Variants in MCPH1 observed in about 807,000 individuals in gnomAD.
MCPH1 encodes the protein microcephalin 1, also known as microcephalin.
In MCPH1, 104 loss-of-function variants were observed where a neutral mutation model predicts 84.5. The observed-to-expected ratio is 1.23, with a 90% CI of 1.05 to 1.45. MCPH1 has a LOEUF of 1.45. Among genes scored for constraint, MCPH1 ranks in the 40% most tolerant of loss-of-function variants. MCPH1 has a pLI of 0.00. For missense variants in MCPH1, 1,498 were observed against 1,005.7 expected (o/e 1.49, Z -6.62); for synonymous variants, 514 against 366.8 (o/e 1.40, Z -4.58).
intron 9 of MCPH1, chr8:6,477,289 G>A (rs1808597379): frequency 2.8e-6 from 1 of 350,930 alleles, no homozygotes; most frequent in Non-Finnish European, 5.2e-6. Context: ...AGTGCATGAA[G>A]ACGTTGACAC....
At chr8:6,483,804 G>A (rs1203721543) in intron 11 of MCPH1, among the ~76,000 whole-genome samples, 1 of 152,106 alleles carries the variant, frequency 6.6e-6, no homozygotes. Flanking sequence ...AGGTTGCAAA[G>A]AGCCAATACC....
chr8:6,575,641 G>T (rs1473289869), intron 12 of MCPH1, among the ~76,000 whole-genome samples: 1 of 152,182 alleles, frequency 6.6e-6, no homozygotes, highest in East Asian at 1.9e-4. Context: ...AGTCCTAAAT[G>T]CCCTCAGCAC....
At chr8:6,517,053 A>G (rs1320468654) in intron 12 of MCPH1, among the ~76,000 whole-genome samples, 1 of 152,226 alleles carries the variant, frequency 6.6e-6, no homozygotes, top group Non-Finnish European at 1.5e-5. Flanking sequence ...ATTATGGTTA[A>G]TTGGACTATA....
At chr8:6,632,604 T>C (rs1390271336) in intron 13 of MCPH1, among the ~76,000 whole-genome samples, 4 of 152,110 alleles carry the variant, frequency 2.6e-5, no homozygotes, top group Non-Finnish European at 5.9e-5. Flanking sequence ...GGTCAGGAGA[T>C]CGAGACCATC....
At chr8:6,486,613 A>G (rs999442503) in intron 11 of MCPH1, among the ~76,000 whole-genome samples, 5 of 152,156 alleles carry the variant, frequency 3.3e-5, no homozygotes, top group Non-Finnish European at 2.9e-5. Flanking sequence ...CAATTTTTCC[A>G]TGTTTACAGC....
At chr8:6,448,596 C>G (rs1563226228) in intron 8 of MCPH1, among the ~76,000 whole-genome samples, 1 of 152,172 alleles carries the variant, frequency 6.6e-6, no homozygotes, top group Non-Finnish European at 1.5e-5. Context: ...CAGCCACTGT[C>G]CACAGTTTAA....
At chr8:6,516,189 C>G (rs531895987) in intron 12 of MCPH1, among the ~76,000 whole-genome samples, 28 of 152,300 alleles carry the variant, frequency 1.8e-4, no homozygotes, top group African/African-American at 6.5e-4. Context: ...GAAAATCAGT[C>G]TGCACAAGCT....
In MCPH1 at chr8:6,647,958, A is replaced by G. The variant is rs754694096; in HGVS notation, c.*4909A>G. 3 of 152,236 alleles carry G rather than the reference A, an allele frequency of 2.0e-5. No homozygotes were observed. Among genetic ancestry groups the G allele is most frequent in the Non-Finnish European group, 4.4e-5 (3 of 68,050 alleles). The allele number at this position is 152,236 out of a possible 1,614,324, so 9.4% of individuals were successfully genotyped here. ...AAGAGAGAGAGAGAACGAGAGCTAC[A>G]TGGCAGCCCCAGGGCAATAGCTCTC... is the stretch of plus-strand genomic sequence containing the variant. On this transcript the variant is annotated 3_prime_UTR_variant, in exon 14 of 14. Transcript: ENST00000344683.
At chr8:6,624,871 A>G in intron 13 of MCPH1, 1 of 981,666 alleles carries the variant, frequency 1.0e-6, no homozygotes, top group Non-Finnish European at 1.2e-6. Flanking sequence ...AACAAATCAT[A>G]TACTTTTTTT....
chr8:6,545,132 G>A (rs533160495), intron 12 of MCPH1, among the ~76,000 whole-genome samples: 25 of 152,076 alleles, frequency 1.6e-4, no homozygotes, highest in Non-Finnish European at 2.1e-4. Flanking sequence ...AGAATGGACC[G>A]AACTTACTAA....
chr8:6,500,102 T>A, intron 12 of MCPH1, 173 bp downstream of exon 12: 1 of 632,502 alleles, frequency 1.6e-6, no homozygotes, highest in Non-Finnish European at 2.8e-6. Flanking sequence ...AGAACAAATG[T>A]GAGAACGTGA....
At chr8:6,489,723 C>A (rs1810354636) in intron 11 of MCPH1, among the ~76,000 whole-genome samples, 1 of 152,162 alleles carries the variant, frequency 6.6e-6, no homozygotes, top group Non-Finnish European at 1.5e-5. Context: ...TGACTCGAGC[C>A]TTCTCGTGTT....
chr8:6,640,501 G>A (rs1261965432), intron 13 of MCPH1, among the ~76,000 whole-genome samples: 1 of 152,082 alleles, frequency 6.6e-6, no homozygotes, highest in Non-Finnish European at 1.5e-5. Flanking sequence ...TATCATTCGT[G>A]AATTACCTGT....
intron 9 of MCPH1, among the ~76,000 whole-genome samples, chr8:6,458,248 A>G (rs558178465): frequency 9.9e-5 from 15 of 152,222 alleles, no homozygotes; most frequent in Admixed American, 9.8e-4. Context: ...TGAGGTGGGC[A>G]GATCATGAGG....
chr8:6,414,844 A>C lies in MCPH1; in HGVS notation c.194A>C (p.Lys65Thr). The C allele has an allele frequency of 6.2e-6, 10 of 1,613,886 alleles. No individual in the cohort carries two copies. The highest frequency in any genetic ancestry group is 8.5e-6 in the Non-Finnish European group (10 of 1,179,858). ...GYQSTWDKAQ[K>T]RGVKLVSVLW... Reference sequence around the variant, plus strand: ...CAGAGCACTTGGGACAAAGCTCAGAAGAGAGGCGTAAAGCTCGTTTCGGTG... The same window carrying C: ...CAGAGCACTTGGGACAAAGCTCAGACGAGAGGCGTAAAGCTCGTTTCGGTG... The change falls in exon 3 of 14, where the codon AAG becomes ACG. Residue 65 changes from lysine (K) to threonine (T), a missense_variant. By Grantham distance (78) the Lys-to-Thr change is moderately conservative (BLOSUM62 -1). Coordinates refer to ENST00000344683, the MANE Select transcript of MCPH1 (RefSeq NM_024596.5).
intron 3 of MCPH1, among the ~76,000 whole-genome samples, chr8:6,424,219 G>A (rs1238414417): frequency 1.3e-5 from 2 of 152,144 alleles, no homozygotes; most frequent in South Asian, 2.1e-4. Context: ...ACATAAAGTT[G>A]AAATAAAGGT....
chr8:6,449,615 G>A lies in MCPH1; in HGVS notation c.1825+4068G>A, dbSNP rs189146759. Among the ~76,000 whole-genome samples, 158 of 151,468 alleles carry A rather than the reference G, an allele frequency of 1.0e-3. 3 individuals are homozygous for A. Among genetic ancestry groups the A allele is most frequent in the African/African-American group, 3.7e-3 (154 of 41,240 alleles). On this transcript the variant is annotated intron_variant, in intron 8 of 13. Transcript: ENST00000344683. ...GCCACTGCACTCCATCCTGGACAAC[G>A]AGAGTGAAACTCCGTCTCAAAAAGA...
intron 3 of MCPH1, among the ~76,000 whole-genome samples, chr8:6,426,537 C>G (rs1017971777): frequency 1.4e-4 from 22 of 152,230 alleles, no homozygotes; most frequent in African/African-American, 5.1e-4. Flanking sequence ...CCTTTTATAG[C>G]TGAGTAGTAT....
At chr8:6,567,794 C>G (rs2442549) in intron 12 of MCPH1, among the ~76,000 whole-genome samples, 140,997 of 151,946 alleles carry the variant, frequency 0.93, 65,493 homozygotes, top group Non-Finnish European at 0.94. Flanking sequence ...GATCTCAGAA[C>G]TCCAGAGAAA....
Sources: allele counts gnomAD v4.1 joint callset (sites outside exome capture counted in the v4.1 genomes callset), GRCh38; gene constraint gnomAD v4.1.1; transcripts MANE v1.5; gene names NCBI Gene and HGNC (gene_info 2026-07-23, HGNC 2026-07-21).